Variants in DCUN1D5 observed in about 807,000 individuals in gnomAD.
DCUN1D5 encodes defective in cullin neddylation 1 domain containing 5, also known as DCN1-like protein 5.
Under a neutral mutation model 38.3 loss-of-function variants are expected in DCUN1D5, and 10 were observed. The ratio of observed to expected loss-of-function variants is 0.26; its 90% CI spans 0.16 to 0.44. DCUN1D5 has a LOEUF of 0.44. DCUN1D5 is among the 20% of genes least tolerant of loss of function. The pLI, the probability that DCUN1D5 is intolerant of heterozygous loss-of-function variation, is 1.00. For missense variants in DCUN1D5, 148 were observed against 275.3 expected (o/e 0.54, Z 3.27); for synonymous variants, 93 against 90.9 (o/e 1.02, Z -0.13).
At position 103,057,347 on chromosome 11, in the gene DCUN1D5, A is replaced by T. The variant is rs1436089846; in HGVS notation, c.*5012T>A. 6.6e-6 allele frequency among the ~76,000 whole-genome samples: 1 copy of T among 151,352 alleles called. No individual in the cohort carries two copies. The highest frequency in any genetic ancestry group is 1.5e-5 in the Non-Finnish European group (1 of 67,800). On this transcript the variant is annotated 3_prime_UTR_variant, in exon 8 of 8. Coordinates refer to ENST00000260247, the MANE Select transcript of DCUN1D5 (RefSeq NM_032299.4). The surrounding 1 kb of genome is among the most constrained non-coding windows in gnomAD (Gnocchi z 4.8). ...CAAAGGCAATTGTTAGCAACAGCAA[A>T]TTTTTTTTTGACCTTCAAAATATGT...
At chr11:103,084,876 A>C (rs1361769734) in intron 2 of DCUN1D5, among the ~76,000 whole-genome samples, 1 of 151,924 alleles carries the variant, frequency 6.6e-6, no homozygotes, top group Non-Finnish European at 1.5e-5. Flanking sequence ...GGTCCCAGCT[A>C]CTCAGGAGAC....
chr11:103,084,862 C>T (rs1301340743), intron 2 of DCUN1D5, among the ~76,000 whole-genome samples: 1 of 151,926 alleles, frequency 6.6e-6, no homozygotes, highest in Non-Finnish European at 1.5e-5. Flanking sequence ...TGGTGCCAGT[C>T]TGTGGTCCCA....
At chr11:103,084,173 G>A (rs1862639689) in intron 2 of DCUN1D5, among the ~76,000 whole-genome samples, 1 of 152,100 alleles carries the variant, frequency 6.6e-6, no homozygotes, top group African/African-American at 2.4e-5. Context: ...AACAAATTTT[G>A]TAATAATATG....
chr11:103,079,914 G>A (rs1195073962), intron 4 of DCUN1D5: 3 of 152,156 alleles, frequency 2.0e-5, no homozygotes, highest in Non-Finnish European at 4.4e-5. Flanking sequence ...CTTACAAAAT[G>A]GCTAGTCTAG....
Position 103,064,441 on chromosome 11 carries a change from TA to T in DCUN1D5, c.556-65del. The stretch of plus-strand genomic sequence containing the variant: ...AACAAACATCATTTACTCAATTTAG[TA>T]AACTAAGTTTTAACTGTTTTTGTGA... On this transcript the variant is annotated intron_variant, in intron 6 of 7. Coordinates refer to ENST00000260247, the MANE Select transcript of DCUN1D5 (RefSeq NM_032299.4). The surrounding 1 kb of genome is among the most constrained non-coding windows in gnomAD (Gnocchi z 4.5). 7.9e-7 allele frequency: 1 copy of T among 1,266,348 alleles called. No homozygotes were observed. The highest frequency in any genetic ancestry group is 1.1e-6 in the Non-Finnish European group (1 of 924,992). The allele number at this position is 1,266,348 out of a possible 1,614,324, so 78.4% of individuals were successfully genotyped here. A position where few individuals can be genotyped will look rare whatever the true frequency, so the allele number is the denominator to read the frequency against.
Position 103,091,624 on chromosome 11 carries a change from C to G in DCUN1D5, c.86+163G>C. ...CACACACTCGAACACGAGGTCGGGT[C>G]GGGCGCGGAGACTCGCGGTGTTCGG... On this transcript the variant is annotated intron_variant, in intron 1 of 7. Coordinates refer to ENST00000260247, the MANE Select transcript of DCUN1D5 (RefSeq NM_032299.4). The surrounding 1 kb of genome is among the most constrained non-coding windows in gnomAD (Gnocchi z 4.3). 2 of 1,300,648 alleles carry G rather than the reference C, an allele frequency of 1.5e-6. No individual in the cohort carries two copies. Among genetic ancestry groups the G allele is most frequent in the South Asian group, 1.3e-5 (1 of 79,116 alleles). The allele number at this position is 1,300,648 out of a possible 1,614,324, so 80.6% of individuals were successfully genotyped here. A position where few individuals can be genotyped will look rare whatever the true frequency, so the allele number is the denominator to read the frequency against.
rs1173070720 is a variant in DCUN1D5, at chr11:103,059,587, TTTAAGAA to T, written c.*2765_*2771del. On this transcript the variant is annotated 3_prime_UTR_variant, in exon 8 of 8. Coordinates refer to ENST00000260247, the MANE Select transcript of DCUN1D5 (RefSeq NM_032299.4). ...TATATCAATAATTTTATCAGCAGCA[TTTAAGAA>T]ATAAGAAATCATTAGACAATAGAAG... 6.6e-6 allele frequency among the ~76,000 whole-genome samples: 1 copy of T among 152,088 alleles called. No homozygotes were observed. Among genetic ancestry groups the T allele is most frequent in the African/African-American group, 2.4e-5 (1 of 41,424 alleles).
chr11:103,059,266 A>C lies in DCUN1D5; in HGVS notation c.*3093T>G, dbSNP rs1367035261. On this transcript the variant is annotated 3_prime_UTR_variant, in exon 8 of 8. Coordinates refer to ENST00000260247, the MANE Select transcript of DCUN1D5 (RefSeq NM_032299.4). ...GAAATGTTTCATTTTATACGTATGT[A>C]TCATGTATTCTGAATCTGTGCTATT... Among the ~76,000 whole-genome samples, 1 of 152,162 alleles carries C rather than the reference A, an allele frequency of 6.6e-6. No individual in the cohort carries two copies. The highest frequency in any genetic ancestry group is 1.5e-5 in the Non-Finnish European group (1 of 68,006).
Position 103,066,589 on chromosome 11 carries a change from A to G in DCUN1D5, c.342-22T>C, listed in dbSNP as rs202201991. 4.9e-6 allele frequency: 7 copies of G among 1,424,208 alleles called. No homozygotes were observed. In the East Asian group the frequency reaches 1.4e-4, roughly 28 times the overall value. 88.2% of individuals were successfully genotyped at this position (1,424,208 alleles called of 1,614,324 possible). ...ACACCTTAAATAAAAGAAATATCAAACAAATTACATAATCAAGAAAATCAA... is the reference window on the plus strand; with the variant it reads ...ACACCTTAAATAAAAGAAATATCAAGCAAATTACATAATCAAGAAAATCAA... On this transcript the variant is annotated intron_variant, in intron 4 of 7. Transcript: ENST00000260247. This position sits in a 1 kb window ranked among gnomAD's most constrained non-coding sequence, Gnocchi z 4.7.
At chr11:103,075,302 T>C (rs1862381171) in intron 4 of DCUN1D5, among the ~76,000 whole-genome samples, 1 of 152,184 alleles carries the variant, frequency 6.6e-6, no homozygotes, top group Non-Finnish European at 1.5e-5. Context: ...GTCAGCTCCA[T>C]AGATCTCTAT....
intron 4 of DCUN1D5, among the ~76,000 whole-genome samples, chr11:103,072,338 C>T (rs534585805): frequency 4.6e-4 from 36 of 77,910 alleles, no homozygotes; most frequent in African/African-American, 2.2e-3. Context: ...GGATCTAGAA[C>T]TAGATCTAGA....
At chr11:103,069,903 T>C (rs1342816715) in intron 4 of DCUN1D5, among the ~76,000 whole-genome samples, 5 of 152,138 alleles carry the variant, frequency 3.3e-5, no homozygotes, top group African/African-American at 1.2e-4. Context: ...AGTTTCATAA[T>C]ATACTACCCA....
chr11:103,062,476 A>G lies in DCUN1D5; in HGVS notation c.659-62T>C. The G allele has an allele frequency of 2.1e-6, 3 of 1,438,826 alleles. No homozygotes were observed. The highest frequency in any genetic ancestry group is 2.9e-6 in the Non-Finnish European group (3 of 1,028,874). 89.1% of individuals were successfully genotyped at this position (1,438,826 alleles called of 1,614,324 possible). A position where few individuals can be genotyped will look rare whatever the true frequency, so the allele number is the denominator to read the frequency against. The stretch of plus-strand genomic sequence containing the variant: ...GAACTCATCTCTCCAATTATAAAAC[A>G]AACTCCCCACGAGCTCTGCAATGAC... On this transcript the variant is annotated intron_variant, in intron 7 of 7. Coordinates refer to ENST00000260247, the MANE Select transcript of DCUN1D5 (RefSeq NM_032299.4). This position sits in a 1 kb window ranked among gnomAD's most constrained non-coding sequence, Gnocchi z 4.6.
chr11:103,068,606 A>G (rs146309467), intron 4 of DCUN1D5, among the ~76,000 whole-genome samples: 3 of 152,180 alleles, frequency 2.0e-5, no homozygotes, highest in Non-Finnish European at 4.4e-5. Flanking sequence ...TATCACATGT[A>G]CTCACTTATA....
chr11:103,073,777 T>G lies in DCUN1D5; in HGVS notation c.342-7210A>C, dbSNP rs1591214306. 6.6e-6 allele frequency among the ~76,000 whole-genome samples: 1 copy of G among 152,018 alleles called. No homozygotes were observed. Among genetic ancestry groups the G allele is most frequent in the Non-Finnish European group, 1.5e-5 (1 of 67,986 alleles). ...CTTAGACTTGACATCAAAAGTACAA[T>G]CAAAAGTACATCAAAACTGAGGCGG... On this transcript the variant is annotated intron_variant, in intron 4 of 7. Transcript: ENST00000260247. This position sits in a 1 kb window ranked among gnomAD's most constrained non-coding sequence, Gnocchi z 4.2.
At position 103,071,272 on chromosome 11, in the gene DCUN1D5, A is replaced by G. The variant is rs1263468800; in HGVS notation, c.342-4705T>C. 1.3e-5 allele frequency among the ~76,000 whole-genome samples: 2 copies of G among 152,066 alleles called. No individual in the cohort carries two copies. Among genetic ancestry groups the G allele is most frequent in the Non-Finnish European group, 2.9e-5 (2 of 67,954 alleles). ...CACATTGAAAAGATCAATAAAATTGACAATTCTCTAACAAGACTGACAAAA... is the reference window on the plus strand; with the variant it reads ...CACATTGAAAAGATCAATAAAATTGGCAATTCTCTAACAAGACTGACAAAA... On this transcript the variant is annotated intron_variant, in intron 4 of 7. Coordinates refer to ENST00000260247, the MANE Select transcript of DCUN1D5 (RefSeq NM_032299.4). This position sits in a 1 kb window ranked among gnomAD's most constrained non-coding sequence, Gnocchi z 4.1.
chr11:103,082,899 T>C (rs1040386470), intron 3 of DCUN1D5, 60 bp from the exon 4 acceptor site: 11 of 1,328,520 alleles, frequency 8.3e-6, no homozygotes, highest in Admixed American at 3.6e-5. Context: ...ATCATGTCTA[T>C]ATTTATCATG....
Position 103,062,736 on chromosome 11 carries a change from GAA to G in DCUN1D5, c.659-324_659-323del, listed in dbSNP as rs1408944082. On this transcript the variant is annotated intron_variant, in intron 7 of 7. Coordinates refer to ENST00000260247, the MANE Select transcript of DCUN1D5 (RefSeq NM_032299.4). The surrounding 1 kb of genome is among the most constrained non-coding windows in gnomAD (Gnocchi z 4.6). The stretch of plus-strand genomic sequence containing the variant: ...CTGGCATTTAATTATGAAACAATCT[GAA>G]AAGTGTTGAAGGTAATATTTCTATG... 6.6e-6 allele frequency among the ~76,000 whole-genome samples: 1 copy of G among 152,034 alleles called. No individual in the cohort carries two copies. Among genetic ancestry groups the G allele is most frequent in the African/African-American group, 2.4e-5 (1 of 41,392 alleles).
chr11:103,068,742 T>G (rs1862197754), intron 4 of DCUN1D5, among the ~76,000 whole-genome samples: 1 of 151,938 alleles, frequency 6.6e-6, no homozygotes. Flanking sequence ...GTACTAGGCT[T>G]AATACCTGGG....
Sources: allele counts gnomAD v4.1 joint callset (sites outside exome capture counted in the v4.1 genomes callset), GRCh38; gene constraint gnomAD v4.1.1; non-coding constraint Gnocchi (gnomAD v3.1); transcripts MANE v1.5; gene names NCBI Gene and HGNC (gene_info 2026-07-23, HGNC 2026-07-21).